The following CAMK1D variants were observed in gnomAD, a reference collection of about 807,000 sequenced individuals.
CAMK1D encodes the protein calcium/calmodulin dependent protein kinase ID, also known as calcium/calmodulin-dependent protein kinase type 1D.
In CAMK1D, 9 loss-of-function variants were observed where a neutral mutation model predicts 47.7. The observed-to-expected ratio is 0.19, with a 90% CI of 0.11 to 0.33. The LOEUF (loss-of-function observed/expected upper bound fraction) is 0.33, where lower values mean the gene tolerates loss of function less well. Ranked by LOEUF, CAMK1D falls within the 10% of genes least tolerant of loss-of-function variation. The probability of loss-of-function intolerance (pLI) is 1.00; values close to 1 mark genes in which losing one functional copy is unlikely to be tolerated. For synonymous variants in CAMK1D, 184 were observed against 184.9 expected, an observed-to-expected ratio of 0.99 and a Z score of 0.04; for missense variants, 291 against 488.7, an observed-to-expected ratio of 0.60 and a Z score of 3.81.
chr10:12,793,546 G>A (rs1056566656), intron 6 of CAMK1D, among the ~76,000 whole-genome samples: 9 of 152,142 alleles, frequency 5.9e-5, no homozygotes, highest in South Asian at 2.1e-4. Context: ...TATTTCTTAC[G>A]GTCTGGAGGC....
At chr10:12,488,820 G>A (rs574813158) in intron 1 of CAMK1D, among the ~76,000 whole-genome samples, 54 of 152,284 alleles carry the variant, frequency 3.5e-4, no homozygotes, top group African/African-American at 1.2e-3. Context: ...TAATGGCGCC[G>A]CTGATCTGAC....
chr10:12,609,284 C>T (rs1838555537), intron 2 of CAMK1D, among the ~76,000 whole-genome samples: 1 of 152,026 alleles, frequency 6.6e-6, no homozygotes, highest in Admixed American at 6.6e-5. Context: ...AGCATCGCTC[C>T]CCAATCTTTT....
chr10:12,796,474 A>C (rs1243564397), intron 6 of CAMK1D, among the ~76,000 whole-genome samples: 1 of 152,196 alleles, frequency 6.6e-6, no homozygotes, highest in Non-Finnish European at 1.5e-5. Flanking sequence ...CTGCATGCTT[A>C]TATCCATGTT....
chr10:12,728,008 C>T (rs1348760354), intron 3 of CAMK1D, among the ~76,000 whole-genome samples: 2 of 152,136 alleles, frequency 1.3e-5, no homozygotes, highest in African/African-American at 4.8e-5. Flanking sequence ...TCCAATGATC[C>T]GCCCGCCTCG....
intron 1 of CAMK1D, among the ~76,000 whole-genome samples, chr10:12,431,968 G>C (rs187913925): frequency 7.2e-5 from 11 of 152,368 alleles, no homozygotes; most frequent in African/African-American, 2.6e-4. Flanking sequence ...TCCCTGGGGA[G>C]AGGCAATCAA....
At chr10:12,700,751 G>A (rs1340250945) in intron 3 of CAMK1D, among the ~76,000 whole-genome samples, 1 of 152,216 alleles carries the variant, frequency 6.6e-6, no homozygotes, top group East Asian at 1.9e-4. Flanking sequence ...CCTGGAATGT[G>A]CATGTCCAGT....
At chr10:12,404,234 AGGGTTTCTCCATATT>A (rs1442742886) in intron 1 of CAMK1D, among the ~76,000 whole-genome samples, 2 of 152,126 alleles carry the variant, frequency 1.3e-5, no homozygotes, top group East Asian at 3.8e-4. Flanking sequence ...TAGTAGAGGT[AGGGTTTCTCCATATT>A]GGTTGGGCTG....
intron 3 of CAMK1D, among the ~76,000 whole-genome samples, chr10:12,724,428 G>T (rs1041555281): frequency 1.3e-5 from 2 of 152,194 alleles, no homozygotes; most frequent in Non-Finnish European, 2.9e-5. Context: ...GAGTCACTTA[G>T]GATAGGAGTC....
At chr10:12,792,970 A>G (rs918254693) in intron 6 of CAMK1D, among the ~76,000 whole-genome samples, 2 of 151,094 alleles carry the variant, frequency 1.3e-5, no homozygotes, top group Non-Finnish European at 3.0e-5. Context: ...GCACACACAC[A>G]CACACACACA....
At chr10:12,407,506 C>G (rs1159033044) in intron 1 of CAMK1D, among the ~76,000 whole-genome samples, 1 of 152,230 alleles carries the variant, frequency 6.6e-6, no homozygotes, top group Non-Finnish European at 1.5e-5. Context: ...TTCTCTGACT[C>G]TAGGTCCCTT....
At chr10:12,452,007 T>C (rs950330515) in intron 1 of CAMK1D, among the ~76,000 whole-genome samples, 8 of 152,116 alleles carry the variant, frequency 5.3e-5, no homozygotes, top group Non-Finnish European at 8.8e-5. Context: ...AGCCCCTTAA[T>C]TGAGGGAGAG....
rs11599866 is a variant in CAMK1D, at chr10:12,734,403, T to C, written c.300-26545T>C. ...AGATATAGATATAGATATATATATA[T>C]ATACACACACACACACATGTATATA... On this transcript the variant is annotated intron_variant, in intron 3 of 10. Coordinates refer to ENST00000619168, the MANE Select transcript of CAMK1D (RefSeq NM_153498.4). Among the ~76,000 whole-genome samples, 32 of 67,574 alleles carry C rather than the reference T, an allele frequency of 4.7e-4. 3 individuals are homozygous for C. Among genetic ancestry groups the C allele is most frequent in the Middle Eastern group, 6.8e-3 (1 of 148 alleles). The allele number at this position is 67,574 out of a possible 152,430, so 44.3% of individuals were successfully genotyped here.
At chr10:12,588,330 T>C (rs1564429866) in intron 2 of CAMK1D, among the ~76,000 whole-genome samples, 1 of 152,148 alleles carries the variant, frequency 6.6e-6, no homozygotes, top group Non-Finnish European at 1.5e-5. Flanking sequence ...GCTGACTGCA[T>C]GCTTAGCAAA....
intron 3 of CAMK1D, among the ~76,000 whole-genome samples, chr10:12,745,386 A>C (rs1459417733): frequency 6.6e-6 from 1 of 152,176 alleles, no homozygotes; most frequent in Non-Finnish European, 1.5e-5. Context: ...ATTTTCAAAT[A>C]ACATAAACAC....
intron 1 of CAMK1D, among the ~76,000 whole-genome samples, chr10:12,403,772 T>C (rs183052555): frequency 2.6e-5 from 4 of 152,130 alleles, no homozygotes; most frequent in Admixed American, 2.6e-4. Flanking sequence ...TATAATGCAT[T>C]GAACTTCTAA....
chr10:12,820,734 C>T (rs1832985313), intron 8 of CAMK1D, among the ~76,000 whole-genome samples: 1 of 152,222 alleles, frequency 6.6e-6, no homozygotes, highest in African/African-American at 2.4e-5. Flanking sequence ...CCTTGGAAGG[C>T]AGCCGGCCTC....
chr10:12,675,649 A>G (rs1287459473), intron 3 of CAMK1D, among the ~76,000 whole-genome samples: 1 of 151,892 alleles, frequency 6.6e-6, no homozygotes, highest in African/African-American at 2.4e-5. Flanking sequence ...CCCCAGTCCT[A>G]CCCCACTGTG....
chr10:12,691,770 G>T (rs755246148), intron 3 of CAMK1D, among the ~76,000 whole-genome samples: 1 of 152,076 alleles, frequency 6.6e-6, no homozygotes, highest in East Asian at 1.9e-4. Context: ...TTAATATGCA[G>T]TATATGTGGT....
rs574647928 is a variant in CAMK1D, at chr10:12,820,637, G to A, written c.834-3828G>A. ...TCTGACTTCAGCAGGGCCACCGAGG[G>A]CGAGGGAGGCCTTGGCAATCATGGA... is the stretch of plus-strand genomic sequence containing the variant. On this transcript the variant is annotated intron_variant, in intron 8 of 10. Coordinates refer to ENST00000619168, the MANE Select transcript of CAMK1D (RefSeq NM_153498.4). 8.5e-5 allele frequency among the ~76,000 whole-genome samples: 13 copies of A among 152,266 alleles called. No homozygotes were observed. In the South Asian group the frequency reaches 2.5e-3, roughly 29 times the overall value.
Sources: allele counts gnomAD v4.1 joint callset (sites outside exome capture counted in the v4.1 genomes callset), GRCh38; gene constraint gnomAD v4.1.1; transcripts MANE v1.5; gene names NCBI Gene and HGNC (gene_info 2026-07-23, HGNC 2026-07-21).